CADM2: variants seen among roughly 807,000 people sequenced by gnomAD.
CADM2 encodes the protein cell adhesion molecule 2, also known as immunoglobulin superfamily member 4D.
CADM2 carries 12 observed loss-of-function variants against 49.8 expected under a neutral mutation model. The observed-to-expected ratio is 0.24, with a 90% CI of 0.15 to 0.39. The LOEUF (loss-of-function observed/expected upper bound fraction) is 0.39. Among genes scored for constraint, CADM2 ranks in the 10% least tolerant of loss-of-function variants. CADM2 has a pLI of 1.00. For synonymous variants in CADM2, 214 were observed against 175.4 expected, an observed-to-expected ratio of 1.22 and a Z score of -1.74; for missense variants, 378 against 492.3, an observed-to-expected ratio of 0.77 and a Z score of 2.20.
At chr3:85,192,086 A>T (rs763997828) in intron 1 of CADM2, among the ~76,000 whole-genome samples, 2 of 151,946 alleles carry the variant, frequency 1.3e-5, no homozygotes, top group Non-Finnish European at 2.9e-5. Context: ...GACAACTTAT[A>T]ATAAATCATT....
intron 1 of CADM2, among the ~76,000 whole-genome samples, chr3:84,978,530 C>T (rs115708463): frequency 6.6e-6 from 1 of 152,150 alleles, no homozygotes; most frequent in African/African-American, 2.4e-5. Flanking sequence ...ACTTGAAAAA[C>T]ATTTGTAATT....
At chr3:85,811,857 G>GT (rs754800114) in intron 3 of CADM2, among the ~76,000 whole-genome samples, 18,394 of 115,362 alleles carry the variant, frequency 0.16, 1,337 homozygotes, top group Admixed American at 0.19. Flanking sequence ...ATGCCTTGAT[G>GT]TTTTTTTTTT....
At chr3:85,353,934 C>A (rs1359738819) in intron 1 of CADM2, among the ~76,000 whole-genome samples, 1 of 151,838 alleles carries the variant, frequency 6.6e-6, no homozygotes, top group Non-Finnish European at 1.5e-5. Flanking sequence ...ATTATTGGCA[C>A]TGAGGGATAT....
chr3:85,148,146 T>A (rs2039809249), intron 1 of CADM2, among the ~76,000 whole-genome samples: 1 of 152,142 alleles, frequency 6.6e-6, no homozygotes. Context: ...CATGTCAGGT[T>A]GAAAAAGGCA....
intron 8 of CADM2, among the ~76,000 whole-genome samples, chr3:86,055,724 C>A (rs1418124434): frequency 6.6e-6 from 1 of 152,058 alleles, no homozygotes; most frequent in African/African-American, 2.4e-5. Flanking sequence ...AATATCATCA[C>A]GTTGGTGATT....
chr3:85,952,521 T>C (rs1300526717), intron 7 of CADM2, among the ~76,000 whole-genome samples: 2 of 151,022 alleles, frequency 1.3e-5, no homozygotes, highest in East Asian at 3.9e-4. Context: ...TTCAGCATGT[T>C]CAAAATGGAA....
chr3:85,598,464 G>A (rs62263910), intron 1 of CADM2, among the ~76,000 whole-genome samples: 1 of 151,708 alleles, frequency 6.6e-6, no homozygotes, highest in Non-Finnish European at 1.5e-5. Context: ...AATTAATAGT[G>A]TCATCCACTT....
intron 1 of CADM2, among the ~76,000 whole-genome samples, chr3:85,549,663 A>G (rs1349759132): frequency 1.3e-5 from 2 of 152,042 alleles, no homozygotes; most frequent in African/African-American, 4.8e-5. Context: ...AGTCTCTGTC[A>G]CCCAGGCTGG....
intron 1 of CADM2, among the ~76,000 whole-genome samples, chr3:85,237,604 G>T (rs1388641853): frequency 6.6e-6 from 1 of 151,208 alleles, no homozygotes; most frequent in Non-Finnish European, 1.5e-5. Context: ...AGCAAACACT[G>T]AATTATGTTG....
intron 8 of CADM2, among the ~76,000 whole-genome samples, chr3:86,041,293 G>T (rs1158053012): frequency 3.3e-5 from 5 of 152,126 alleles, no homozygotes; most frequent in Admixed American, 2.6e-4. Context: ...TGGCAAATTG[G>T]ATAAAGAGTC....
chr3:85,313,151 C>T (rs2044386884), intron 1 of CADM2, among the ~76,000 whole-genome samples: 1 of 152,296 alleles, frequency 6.6e-6, no homozygotes, highest in African/African-American at 2.4e-5. Flanking sequence ...TGAGGAGAAC[C>T]TTGCTTTCTC....
At chr3:85,522,255 A>G (rs1393434631) in intron 1 of CADM2, among the ~76,000 whole-genome samples, 3 of 152,142 alleles carry the variant, frequency 2.0e-5, no homozygotes, top group Non-Finnish European at 2.9e-5. Flanking sequence ...CATTAATAAT[A>G]CATTAATGAT....
At chr3:86,051,400 T>A (rs2107323728) in intron 8 of CADM2, among the ~76,000 whole-genome samples, 1 of 152,290 alleles carries the variant, frequency 6.6e-6, no homozygotes, top group South Asian at 2.1e-4. Flanking sequence ...CTATAGGAAG[T>A]TCCAAATTTC....
intron 1 of CADM2, among the ~76,000 whole-genome samples, chr3:85,272,452 G>A (rs536886733): frequency 6.6e-6 from 1 of 151,244 alleles, no homozygotes; most frequent in South Asian, 2.1e-4. Context: ...TTATTGTTAA[G>A]AGAAAAGGCA....
At chr3:85,938,817 C>A (rs923091328) in intron 7 of CADM2, among the ~76,000 whole-genome samples, 1 of 151,780 alleles carries the variant, frequency 6.6e-6, no homozygotes, top group African/African-American at 2.4e-5. Context: ...TCATCTTTAT[C>A]ATTTATCTGA....
intron 8 of CADM2, among the ~76,000 whole-genome samples, chr3:85,982,372 C>T (rs999155557): frequency 6.6e-6 from 1 of 151,486 alleles, no homozygotes; most frequent in African/African-American, 2.4e-5. Flanking sequence ...TGAACAAAAA[C>T]CAATCCCTCT....
intron 1 of CADM2, among the ~76,000 whole-genome samples, chr3:85,284,706 G>C (rs905803325): frequency 2.6e-5 from 4 of 151,922 alleles, no homozygotes; most frequent in African/African-American, 9.7e-5. Context: ...GATATATGAG[G>C]AAAAAAGGTA....
chr3:85,597,407 C>A (rs2063275572), intron 1 of CADM2, among the ~76,000 whole-genome samples: 1 of 152,060 alleles, frequency 6.6e-6, no homozygotes, highest in Non-Finnish European at 1.5e-5. Flanking sequence ...TAACACAAAT[C>A]TGAATGTAAT....
At chr3:85,821,827 A>C (rs1254516433) in intron 3 of CADM2, among the ~76,000 whole-genome samples, 2 of 152,194 alleles carry the variant, frequency 1.3e-5, no homozygotes, top group African/African-American at 2.4e-5. Context: ...CAAAATAATA[A>C]GGCATTCAAA....
Sources: gnomAD v4.1 joint callset for allele counts (sites outside exome capture counted in the v4.1 genomes callset) on GRCh38, gnomAD v4.1.1 for gene constraint, MANE v1.5 for transcripts, NCBI Gene and HGNC (gene_info 2026-07-23, HGNC 2026-07-21) for gene names.